Variants in SHISA9 observed in about 807,000 individuals in gnomAD.
The protein encoded by SHISA9 is protein shisa-9.
SHISA9 carries 13 observed loss-of-function variants against 38.0 expected under a neutral mutation model. The ratio of observed to expected loss-of-function variants is 0.34; its 90% confidence interval spans 0.22 to 0.54. SHISA9 has a LOEUF of 0.54. SHISA9 is among the 20% of genes least tolerant of loss of function. The probability of loss-of-function intolerance (pLI) is 0.91; values close to 1 mark genes in which losing one functional copy is unlikely to be tolerated. For missense variants in SHISA9, 538 were observed against 575.8 expected (o/e 0.93, Z 0.67); for synonymous variants, 275 against 242.0 (o/e 1.14, Z -1.27).
chr16:13,009,739 C>A (rs1168093243), intron 2 of SHISA9, among the ~76,000 whole-genome samples: 1 of 152,188 alleles, frequency 6.6e-6, no homozygotes, highest in African/African-American at 2.4e-5. Context: ...AAGGGCCAAG[C>A]AGCCAAGGGG....
chr16:13,073,206 ATCTC>A (rs534011616), intron 2 of SHISA9, among the ~76,000 whole-genome samples: 179 of 144,148 alleles, frequency 1.2e-3, no homozygotes, highest in Admixed American at 4.6e-3. Context: ...ACTCTCTCCT[ATCTC>A]TCTCTCTCTC....
chr16:13,274,377 T>C, the SHISA9 span, among the ~76,000 whole-genome samples: 5 of 152,208 alleles, frequency 3.3e-5, no homozygotes, highest in African/African-American at 1.2e-4. Context: ...ATTCCTTATA[T>C]ATATATACTT....
At chr16:13,420,730 A>C in the SHISA9 span, among the ~76,000 whole-genome samples, 1 of 152,176 alleles carries the variant, frequency 6.6e-6, no homozygotes, top group Admixed American at 6.5e-5. Context: ...TGGAGGGCTG[A>C]CTGGGAGCCC....
At chr16:13,196,393 T>C in intron 2 of SHISA9, among the ~76,000 whole-genome samples, 1 of 71,402 alleles carries the variant, frequency 1.4e-5, no homozygotes, top group African/African-American at 1.1e-4. Flanking sequence ...CGAGACTCCG[T>C]CTCAAAAAAA....
intron 2 of SHISA9, among the ~76,000 whole-genome samples, chr16:13,085,362 A>T (rs2073699164): frequency 6.6e-6 from 1 of 152,128 alleles, no homozygotes. Flanking sequence ...AAAAAGGAAG[A>T]GCTCCAACAT....
chr16:13,012,539 GC>G (rs1319045994), intron 2 of SHISA9, among the ~76,000 whole-genome samples: 1 of 152,264 alleles, frequency 6.6e-6, no homozygotes, highest in African/African-American at 2.4e-5. Context: ...GGATGCACAC[GC>G]TTTTCATTTC....
the SHISA9 span, among the ~76,000 whole-genome samples, chr16:13,529,086 G>A: frequency 1.3e-5 from 2 of 152,194 alleles, no homozygotes; most frequent in Non-Finnish European, 2.9e-5. Context: ...CAGAATAGGA[G>A]GTCAAACATG....
the SHISA9 span, among the ~76,000 whole-genome samples, chr16:13,561,815 G>T: frequency 7.1e-4 from 108 of 152,082 alleles, 1 homozygote; most frequent in African/African-American, 2.5e-3. Context: ...TGTGACAGCA[G>T]AAAAGAGGTG....
At chr16:13,076,842 C>G (rs1291173324) in intron 2 of SHISA9, among the ~76,000 whole-genome samples, 2 of 152,180 alleles carry the variant, frequency 1.3e-5, no homozygotes, top group African/African-American at 4.8e-5. Flanking sequence ...GACCGTATCC[C>G]TACTTGTCAT....
chr16:13,550,401 C>T, the SHISA9 span, among the ~76,000 whole-genome samples: 1 of 152,204 alleles, frequency 6.6e-6, no homozygotes, highest in Non-Finnish European at 1.5e-5. Flanking sequence ...TCTAAAATAA[C>T]AGAATTGAGT....
At chr16:13,510,822 T>G in the SHISA9 span, among the ~76,000 whole-genome samples, 1 of 152,140 alleles carries the variant, frequency 6.6e-6, no homozygotes, top group Non-Finnish European at 1.5e-5. Context: ...GGTAATAGAC[T>G]AAGAATTGTC....
chr16:13,385,015 G>C, the SHISA9 span, among the ~76,000 whole-genome samples: 1 of 152,124 alleles, frequency 6.6e-6, no homozygotes, highest in African/African-American at 2.4e-5. Context: ...ATGAGCAAAA[G>C]ACAGGAAGAG....
the SHISA9 span, among the ~76,000 whole-genome samples, chr16:13,367,491 A>T: frequency 2.6e-5 from 4 of 151,708 alleles, no homozygotes; most frequent in Non-Finnish European, 5.9e-5. Flanking sequence ...GATCCAGAGA[A>T]ATTAAGCCAT....
chr16:13,525,334 C>G, the SHISA9 span, among the ~76,000 whole-genome samples: 1 of 152,092 alleles, frequency 6.6e-6, no homozygotes, highest in Non-Finnish European at 1.5e-5. Context: ...AAAAGAAAGG[C>G]TCTGTCTTAG....
intron 2 of SHISA9, among the ~76,000 whole-genome samples, chr16:13,191,844 G>A (rs757221693): frequency 3.3e-5 from 5 of 152,162 alleles, no homozygotes; most frequent in Non-Finnish European, 5.9e-5. Flanking sequence ...GGTCCCTCTT[G>A]AGTATTGAAA....
At position 13,137,688 on chromosome 16, in the gene SHISA9, T is replaced by C. The variant is rs148656418; in HGVS notation, c.692-65706T>C. Reference sequence around the variant, plus strand: ...CCAGGATGGTCTTGATCTCTTAACCTTGTGATCTGCCCACTTCAGCCTCCC... The same window carrying C: ...CCAGGATGGTCTTGATCTCTTAACCCTGTGATCTGCCCACTTCAGCCTCCC... On this transcript the variant is annotated intron_variant, in intron 2 of 4. Coordinates refer to ENST00000558583, the MANE Select transcript of SHISA9 (RefSeq NM_001145204.3). Among the ~76,000 whole-genome samples the C allele has an allele frequency of 4.1e-4, 63 of 152,252 alleles. 1 individual carries two copies. The highest frequency in any genetic ancestry group is 1.4e-3 in the African/African-American group (60 of 41,560).
At chr16:13,342,614 C>A in the SHISA9 span, among the ~76,000 whole-genome samples, 1 of 152,164 alleles carries the variant, frequency 6.6e-6, no homozygotes, top group Non-Finnish European at 1.5e-5. Flanking sequence ...CTACAAGATC[C>A]TTTGATCTTT....
chr16:13,343,133 C>T, the SHISA9 span, among the ~76,000 whole-genome samples: 44 of 151,984 alleles, frequency 2.9e-4, no homozygotes, highest in Non-Finnish European at 5.4e-4. Flanking sequence ...ATCATTAACC[C>T]GACCTATTCT....
chr16:12,988,586 G>T (rs746480108), intron 2 of SHISA9, among the ~76,000 whole-genome samples: 1 of 152,062 alleles, frequency 6.6e-6, no homozygotes, highest in Non-Finnish European at 1.5e-5. Flanking sequence ...GTGCAGTGGC[G>T]CGATTTCAGC....
Sources: gnomAD v4.1 joint callset for allele counts (sites outside exome capture counted in the v4.1 genomes callset) on GRCh38, gnomAD v4.1.1 for gene constraint, MANE v1.5 for transcripts, NCBI Gene and HGNC (gene_info 2026-07-23, HGNC 2026-07-21) for gene names.